XPR1: variants seen among roughly 807,000 people sequenced by gnomAD.
XPR1 encodes solute carrier family 53 member 1.
XPR1 carries 28 observed loss-of-function variants against 87.5 expected under a neutral mutation model. The observed-to-expected ratio is 0.32, with a 90% CI of 0.24 to 0.44. The LOEUF (loss-of-function observed/expected upper bound fraction) is 0.44. XPR1 is among the 20% of genes least tolerant of loss of function. The probability of loss-of-function intolerance (pLI) is 1.00; values close to 1 mark genes in which losing one functional copy is unlikely to be tolerated. For synonymous variants in XPR1, 300 were observed against 306.1 expected, an observed-to-expected ratio of 0.98 and a Z score of 0.21; for missense variants, 559 against 862.3, an observed-to-expected ratio of 0.65 and a Z score of 4.41.
intron 11 of XPR1, among the ~76,000 whole-genome samples, chr1:180,858,059 A>G (rs926887359): frequency 1.3e-5 from 2 of 152,142 alleles, no homozygotes; most frequent in African/African-American, 4.8e-5. Flanking sequence ...TCTACTAAAA[A>G]TACAAAATTA....
intron 2 of XPR1, among the ~76,000 whole-genome samples, chr1:180,785,567 G>T (rs538812510): frequency 6.6e-6 from 1 of 152,060 alleles, no homozygotes; most frequent in South Asian, 2.1e-4. Context: ...TTTCTCAGAG[G>T]CCTGGATTTT....
intron 2 of XPR1, among the ~76,000 whole-genome samples, chr1:180,783,092 T>A (rs1465830067): frequency 6.6e-6 from 1 of 152,026 alleles, no homozygotes; most frequent in Non-Finnish European, 1.5e-5. Flanking sequence ...AGTGAAAGGC[T>A]TAATCATTCT....
At chr1:180,724,001 T>C (rs978099351) in intron 2 of XPR1, among the ~76,000 whole-genome samples, 1 of 152,234 alleles carries the variant, frequency 6.6e-6, no homozygotes, top group Admixed American at 6.5e-5. Flanking sequence ...AATTAAATAC[T>C]CTTCTGAATA....
chr1:180,807,492 C>G (rs970127507), intron 6 of XPR1, among the ~76,000 whole-genome samples: 6 of 152,132 alleles, frequency 3.9e-5, no homozygotes, highest in Non-Finnish European at 8.8e-5. Context: ...AGTAATAATT[C>G]TGACAAAAGA....
At chr1:180,851,465 AT>A (rs2102190303) in intron 11 of XPR1, among the ~76,000 whole-genome samples, 1 of 152,352 alleles carries the variant, frequency 6.6e-6, no homozygotes, top group Non-Finnish European at 1.5e-5. Flanking sequence ...TTTATACAGA[AT>A]TATAAAATAA....
intron 2 of XPR1, among the ~76,000 whole-genome samples, chr1:180,703,714 A>T (rs1657444188): frequency 1.3e-5 from 2 of 152,128 alleles, no homozygotes; most frequent in Non-Finnish European, 1.5e-5. Context: ...TCATCATACA[A>T]TATATTGTGA....
intron 13 of XPR1, 95 bp from the exon 14 acceptor site, chr1:180,879,981 T>G (rs1293325088): frequency 7.4e-6 from 10 of 1,343,040 alleles, no homozygotes; most frequent in Non-Finnish European, 1.0e-5. Flanking sequence ...TTGTTTTTGT[T>G]TCCATGAGTG....
chr1:180,718,237 A>G (rs1046920569), intron 2 of XPR1, among the ~76,000 whole-genome samples: 8 of 152,190 alleles, frequency 5.3e-5, no homozygotes, highest in Non-Finnish European at 1.5e-5. Flanking sequence ...CCATCAATAC[A>G]TGGGAATGGG....
At position 180,883,989 on chromosome 1, in the gene XPR1, C is replaced by T; in HGVS notation, c.2031-17C>T. 2 of 1,609,518 alleles carry T rather than the reference C, an allele frequency of 1.2e-6. No individual in the cohort carries two copies. Among genetic ancestry groups the T allele is most frequent in the Non-Finnish European group, 1.7e-6 (2 of 1,178,144 alleles). Reference sequence around the variant, plus strand: ...GGTAATGGACTAAGTGCTTTTTGTCCCCCTTGTTACCACTAGATCCAAGGC... The same window carrying T: ...GGTAATGGACTAAGTGCTTTTTGTCTCCCTTGTTACCACTAGATCCAAGGC... On this transcript the variant is annotated splice_polypyrimidine_tract_variant and intron_variant, in intron 14 of 14. Transcript: ENST00000367590.
chr1:180,670,111 ATTTG>A (rs1453748224), intron 1 of XPR1, among the ~76,000 whole-genome samples: 2 of 151,968 alleles, frequency 1.3e-5, no homozygotes, highest in Non-Finnish European at 2.9e-5. Context: ...TTCACTTTCA[ATTTG>A]TTTGTGTCTT....
intron 1 of XPR1, among the ~76,000 whole-genome samples, chr1:180,646,395 G>GT (rs989632960): frequency 0.024 from 3,605 of 147,702 alleles, 143 homozygotes; most frequent in African/African-American, 0.084. Context: ...TCATGTTCAT[G>GT]TTTTTTTTTT....
chr1:180,685,437 C>G (rs1293183208), intron 2 of XPR1, among the ~76,000 whole-genome samples: 1 of 152,118 alleles, frequency 6.6e-6, no homozygotes. Flanking sequence ...GGATATTGGT[C>G]TAAAATTCTC....
At chr1:180,825,064 T>C in intron 8 of XPR1, 101 bp from the exon 9 acceptor site, 1 of 1,499,606 alleles carries the variant, frequency 6.7e-7, no homozygotes, top group South Asian at 1.4e-5. Context: ...TAATAACTAA[T>C]CATGTTTCTT....
At chr1:180,848,703 C>T (rs532467447) in intron 11 of XPR1, among the ~76,000 whole-genome samples, 2 of 152,148 alleles carry the variant, frequency 1.3e-5, no homozygotes, top group Admixed American at 1.3e-4. Context: ...TGCTAGATCA[C>T]GTGGTAGTTC....
At position 180,834,904 on chromosome 1, in the gene XPR1, G is replaced by A. The variant is rs1290555184; in HGVS notation, c.1165G>A (p.Val389Ile). ...FRVFTAPFHK[V>I]GFADFWLADQ... ...AGTATTTACAGCCCCCTTCCATAAGGTAGGCTTTGCTGATTTCTGGCTGGC... is the reference window on the plus strand; with the variant it reads ...AGTATTTACAGCCCCCTTCCATAAGATAGGCTTTGCTGATTTCTGGCTGGC... Residue 389 changes from valine to isoleucine, a missense_variant, in exon 10 of 15, where the codon GTA becomes ATA. Physicochemically the swap from Val to Ile is conservative, Grantham distance 29 (BLOSUM62 3). Coordinates refer to ENST00000367590, the MANE Select transcript of XPR1 (RefSeq NM_004736.4). The A allele has an allele frequency of 1.2e-6, 2 of 1,612,896 alleles. No homozygotes were observed. The highest frequency in any genetic ancestry group is 8.5e-7 in the Non-Finnish European group (1 of 1,179,518).
intron 2 of XPR1, among the ~76,000 whole-genome samples, chr1:180,733,320 C>T (rs889864314): frequency 1.7e-4 from 26 of 152,162 alleles, no homozygotes; most frequent in African/African-American, 4.6e-4. Flanking sequence ...TTCCCTTCCC[C>T]GCTTCCATAT....
rs76876201 is a variant in XPR1, at chr1:180,811,954, T to C, written c.763+466T>C. Among the ~76,000 whole-genome samples the C allele has an allele frequency of 3.9e-4, 60 of 152,232 alleles. No homozygotes were observed. In the East Asian group the frequency reaches 0.011, roughly 28 times the overall value. ...CTTGGTTGTATAATTTCCTATTCTA[T>C]AGAAGTAAAAACAATTAGAAAGAGA... On this transcript the variant is annotated intron_variant, in intron 7 of 14. Coordinates refer to ENST00000367590, the MANE Select transcript of XPR1 (RefSeq NM_004736.4).
chr1:180,674,316 TGG>T (rs1202655764), intron 1 of XPR1, among the ~76,000 whole-genome samples: 6 of 152,220 alleles, frequency 3.9e-5, no homozygotes, highest in African/African-American at 1.4e-4. Context: ...TGGAGTGCAG[TGG>T]CACGATCTCG....
intron 9 of XPR1, among the ~76,000 whole-genome samples, chr1:180,826,609 A>T (rs1183550008): frequency 2.0e-5 from 3 of 152,178 alleles, no homozygotes; most frequent in Non-Finnish European, 4.4e-5. Context: ...CTTTCATATG[A>T]TTATTTCTTA....
Sources: allele counts gnomAD v4.1 joint callset (sites outside exome capture counted in the v4.1 genomes callset), GRCh38; gene constraint gnomAD v4.1.1; transcripts MANE v1.5; gene names NCBI Gene and HGNC (gene_info 2026-07-23, HGNC 2026-07-21).